CHSY3: variants seen among roughly 807,000 people sequenced by gnomAD.
The protein encoded by CHSY3 is N-acetylgalactosaminyl-proteoglycan 3-beta-glucuronosyltransferase 3.
In CHSY3, 35 loss-of-function variants were observed where a neutral mutation model predicts 67.2. The observed-to-expected ratio is 0.52, with a 90% CI of 0.40 to 0.69. CHSY3 has a LOEUF of 0.69. Ranked by LOEUF, CHSY3 falls within the 30% of genes least tolerant of loss-of-function variation. The pLI is 0.00. For synonymous variants in CHSY3, 474 were observed against 434.7 expected (o/e 1.09, Z -1.12); for missense variants, 1,069 against 1,138.5 (o/e 0.94, Z 0.88).
intron 2 of CHSY3, among the ~76,000 whole-genome samples, chr5:130,055,429 G>T (rs1443301707): frequency 6.6e-6 from 1 of 151,912 alleles, no homozygotes; most frequent in African/African-American, 2.4e-5. Context: ...GATTTTTCCT[G>T]GTTTTCATTA....
intron 2 of CHSY3, among the ~76,000 whole-genome samples, chr5:130,144,284 C>T (rs1024195186): frequency 6.6e-6 from 1 of 152,046 alleles, no homozygotes; most frequent in African/African-American, 2.4e-5. Context: ...TGCTACTTAT[C>T]CCCCACAAAA....
rs374920311 is a variant in CHSY3 at position 130,170,718 on chromosome 5, T to C, written c.1087-13511T>C. ...ATGATATCTCATTGTAGTTTTAATT[T>C]GCATTTCTCTGATGATTAGTGATGT... On this transcript the variant is annotated intron_variant, in intron 2 of 2. Coordinates refer to ENST00000305031, the MANE Select transcript of CHSY3 (RefSeq NM_175856.5). Among the ~76,000 whole-genome samples the C allele has an allele frequency of 2.1e-3, 322 of 152,314 alleles. 6 individuals carry two copies. The South Asian group carries it at 0.035, about 17-fold the overall frequency.
At chr5:130,038,077 T>TA (rs1225310753) in intron 2 of CHSY3, among the ~76,000 whole-genome samples, 5 of 152,122 alleles carry the variant, frequency 3.3e-5, no homozygotes, top group Non-Finnish European at 7.4e-5. Flanking sequence ...AGTCAAAAGA[T>TA]ACCTGTATTA....
chr5:129,971,328 AAATAAT>A, intron 2 of CHSY3, among the ~76,000 whole-genome samples: 1 of 151,908 alleles, frequency 6.6e-6, no homozygotes, highest in South Asian at 2.1e-4. Context: ...TAAAGATATG[AAATAAT>A]AATAATAAAT....
chr5:130,139,714 G>A (rs1768794330), intron 2 of CHSY3, among the ~76,000 whole-genome samples: 1 of 152,060 alleles, frequency 6.6e-6, no homozygotes, highest in South Asian at 2.1e-4. Context: ...CATTATAATA[G>A]GTATTGATTA....
chr5:130,071,160 G>A (rs1276821373), intron 2 of CHSY3, among the ~76,000 whole-genome samples: 5 of 151,994 alleles, frequency 3.3e-5, no homozygotes, highest in Admixed American at 3.3e-4. Context: ...TCTATAATAA[G>A]GCTGCTGAGC....
In CHSY3 at chr5:129,938,823, A is replaced by G. The variant is rs116275724; in HGVS notation, c.1086+30463A>G. ...TTTAACACGTCTCTAGGAAGTTCCA[A>G]ACTTTCTCTCATTTTCTCATCTTCT... On this transcript the variant is annotated intron_variant, in intron 2 of 2. Transcript: ENST00000305031. Among the ~76,000 whole-genome samples, 873 of 152,244 alleles carry G rather than the reference A, an allele frequency of 5.7e-3. 13 individuals carry two copies. The highest frequency in any genetic ancestry group is 0.02 in the African/African-American group (822 of 41,544).
chr5:130,087,295 T>G (rs1436998809), intron 2 of CHSY3, among the ~76,000 whole-genome samples: 3 of 152,292 alleles, frequency 2.0e-5, no homozygotes, highest in East Asian at 1.9e-4. Context: ...GCATTCCCTT[T>G]GAAAACTGAC....
chr5:130,164,953 T>C (rs1288869845), intron 2 of CHSY3, among the ~76,000 whole-genome samples: 1 of 151,684 alleles, frequency 6.6e-6, no homozygotes, highest in Non-Finnish European at 1.5e-5. Flanking sequence ...ACACCCTAAG[T>C]AGAAAAAAAA....
At chr5:130,128,787 C>G (rs149202787) in intron 2 of CHSY3, among the ~76,000 whole-genome samples, 76 of 152,160 alleles carry the variant, frequency 5.0e-4, no homozygotes, top group African/African-American at 1.6e-3. Context: ...TATTCCCAAA[C>G]TCATGGAATT....
At chr5:129,921,561 A>T (rs1760925437) in intron 2 of CHSY3, among the ~76,000 whole-genome samples, 1 of 152,214 alleles carries the variant, frequency 6.6e-6, no homozygotes. Flanking sequence ...GAAACCCTCC[A>T]CAGAAAGTGA....
At chr5:130,140,230 G>T in intron 2 of CHSY3, 1 of 282,896 alleles carries the variant, frequency 3.5e-6, no homozygotes, top group East Asian at 8.4e-5. Flanking sequence ...TAACAACATG[G>T]TTTTTGATGC....
chr5:129,951,500 G>C (rs1762021507), intron 2 of CHSY3, among the ~76,000 whole-genome samples: 1 of 152,110 alleles, frequency 6.6e-6, no homozygotes, highest in South Asian at 2.1e-4. Context: ...AAATACCAAA[G>C]CATCTTCTCT....
intron 2 of CHSY3, among the ~76,000 whole-genome samples, chr5:130,179,243 C>T (rs74291315): frequency 0.05 from 7,597 of 152,172 alleles, 395 homozygotes; most frequent in East Asian, 0.25. Flanking sequence ...ATCTGGCACA[C>T]GCAGTAAGAC....
rs1259720054 is a variant in CHSY3, at chr5:130,185,140, C to A, written c.1998C>A (p.Asp666Glu). Residue 666 changes from aspartate (D) to glutamate (E), a missense_variant, in exon 3 of 3, where the codon GAC (aspartate) becomes GAA (glutamate). Asp to Glu is a conservative substitution (Grantham distance 45). This residue lies in a region of CHSY3 where 401 missense variants were observed against 395.2 expected (regional missense o/e 1.01). Coordinates refer to ENST00000305031, the MANE Select transcript of CHSY3 (RefSeq NM_175856.5). ...TTTTCAGTAGGGATTCTGGCCAAGACTCCAGCAAGCATATTGAGCTGATAA... is the reference window on the plus strand; with the variant it reads ...TTTTCAGTAGGGATTCTGGCCAAGAATCCAGCAAGCATATTGAGCTGATAA... The part of the protein sequence containing the change: ...IILFSRDSGQ[D>E]SSKHIELIKG... 1 of 1,600,536 alleles carries A rather than the reference C, an allele frequency of 6.2e-7. No homozygotes were observed. Among genetic ancestry groups the A allele is most frequent in the South Asian group, 1.1e-5 (1 of 90,798 alleles).
chr5:130,108,253 G>C (rs1311634309), intron 2 of CHSY3, among the ~76,000 whole-genome samples: 1 of 151,504 alleles, frequency 6.6e-6, no homozygotes, highest in Non-Finnish European at 1.5e-5. Context: ...TGTTATGTTT[G>C]AAGTTATCTA....
At chr5:130,067,877 A>G (rs920914424) in intron 2 of CHSY3, among the ~76,000 whole-genome samples, 1 of 152,182 alleles carries the variant, frequency 6.6e-6, no homozygotes, top group African/African-American at 2.4e-5. Context: ...ATTTAATGTT[A>G]CATAGGTTCC....
chr5:130,130,936 C>T (rs1458797774), intron 2 of CHSY3, among the ~76,000 whole-genome samples: 1 of 152,140 alleles, frequency 6.6e-6, no homozygotes, highest in Non-Finnish European at 1.5e-5. Flanking sequence ...GTATGATTCT[C>T]CATAACCTCA....
chr5:130,158,244 AG>A (rs1194428835), intron 2 of CHSY3, among the ~76,000 whole-genome samples: 10 of 152,276 alleles, frequency 6.6e-5, no homozygotes, highest in South Asian at 2.1e-4. Context: ...TTCAAGATGG[AG>A]TCGCTCTGGT....
Sources: allele counts gnomAD v4.1 joint callset (sites outside exome capture counted in the v4.1 genomes callset), GRCh38; gene constraint gnomAD v4.1.1; regional missense constraint gnomAD v4.1.1; transcripts MANE v1.5; gene names NCBI Gene and HGNC (gene_info 2026-07-23, HGNC 2026-07-21).